The following RSU1 variants were observed in gnomAD, a reference collection of about 807,000 sequenced individuals.
RSU1 encodes the protein Ras suppressor protein 1.
Under a neutral mutation model 31.1 loss-of-function variants are expected in RSU1, and 26 were observed. The observed-to-expected ratio is 0.84, with a 90% confidence interval of 0.61 to 1.16. RSU1 has a LOEUF of 1.16. Ranked by LOEUF, RSU1 falls within the 50% of genes most tolerant of loss-of-function variation. RSU1 has a pLI of 0.00. For missense variants in RSU1, 320 were observed against 339.1 expected (o/e 0.94, Z 0.44); for synonymous variants, 164 against 136.3 (o/e 1.20, Z -1.41).
intron 8 of RSU1, among the ~76,000 whole-genome samples, chr10:16,660,047 G>C (rs1164324467): frequency 6.6e-6 from 1 of 152,158 alleles, no homozygotes; most frequent in African/African-American, 2.4e-5. Flanking sequence ...AACTATTCAA[G>C]GATATTTGGA....
chr10:16,663,568 A>C (rs1834927186), intron 8 of RSU1, among the ~76,000 whole-genome samples: 1 of 152,216 alleles, frequency 6.6e-6, no homozygotes. Context: ...TATACAGTGC[A>C]GGAGCCTCTG....
chr10:16,801,007 TA>T (rs1161670706), intron 2 of RSU1, among the ~76,000 whole-genome samples: 1 of 151,428 alleles, frequency 6.6e-6, no homozygotes, highest in Non-Finnish European at 1.5e-5. Flanking sequence ...ACTTATTTTG[TA>T]GGTATTAATC....
intron 7 of RSU1, among the ~76,000 whole-genome samples, chr10:16,713,752 T>C (rs73604875): frequency 0.012 from 1,865 of 152,334 alleles, 37 homozygotes; most frequent in African/African-American, 0.043. Flanking sequence ...TCCTTGCTTT[T>C]TCACATTGCT....
At chr10:16,728,204 T>C (rs764204811) in intron 7 of RSU1, among the ~76,000 whole-genome samples, 8 of 152,196 alleles carry the variant, frequency 5.3e-5, no homozygotes, top group Non-Finnish European at 7.3e-5. Context: ...CATTTACTCC[T>C]GTTACAACAG....
intron 8 of RSU1, among the ~76,000 whole-genome samples, chr10:16,690,319 G>A (rs1835520181): frequency 6.6e-6 from 1 of 152,118 alleles, no homozygotes. Context: ...AAGCTTCAAC[G>A]ACCCAACCAA....
chr10:16,722,104 A>T (rs1836276143), intron 7 of RSU1, among the ~76,000 whole-genome samples: 1 of 152,210 alleles, frequency 6.6e-6, no homozygotes, highest in African/African-American at 2.4e-5. Context: ...GAGAGATACT[A>T]CATTCACATA....
At chr10:16,706,682 G>C (rs1169837497) in intron 7 of RSU1, among the ~76,000 whole-genome samples, 1 of 152,044 alleles carries the variant, frequency 6.6e-6, no homozygotes, top group East Asian at 1.9e-4. Context: ...TATCCAATCT[G>C]GGTGGCTAGT....
intron 2 of RSU1, among the ~76,000 whole-genome samples, chr10:16,789,189 A>C (rs1324588716): frequency 6.6e-6 from 1 of 152,208 alleles, no homozygotes; most frequent in Non-Finnish European, 1.5e-5. Flanking sequence ...GAGAAACTAA[A>C]AAAGTTTAAA....
At chr10:16,766,224 A>T (rs1444179059) in intron 3 of RSU1, among the ~76,000 whole-genome samples, 2 of 152,238 alleles carry the variant, frequency 1.3e-5, no homozygotes, top group Non-Finnish European at 2.9e-5. Flanking sequence ...GTGGCCGTTG[A>T]TAAAAGAACA....
chr10:16,774,794 C>T (rs534718721), intron 3 of RSU1, among the ~76,000 whole-genome samples: 3 of 152,130 alleles, frequency 2.0e-5, no homozygotes, highest in Non-Finnish European at 4.4e-5. Flanking sequence ...TTAAAAAGAT[C>T]AGTGACTTAA....
chr10:16,763,680 G>A (rs374455743), intron 4 of RSU1, among the ~76,000 whole-genome samples: 24 of 152,104 alleles, frequency 1.6e-4, no homozygotes, highest in Admixed American at 4.6e-4. Flanking sequence ...CAGCTTGGCC[G>A]CTAACCTCAG....
chr10:16,601,736 A>G (rs370182031), intron 8 of RSU1, among the ~76,000 whole-genome samples: 1 of 152,166 alleles, frequency 6.6e-6, no homozygotes, highest in Non-Finnish European at 1.5e-5. Flanking sequence ...TGGCTCGCCT[A>G]ATGTCCTCTC....
At chr10:16,664,848 C>G (rs1361215745) in intron 8 of RSU1, among the ~76,000 whole-genome samples, 1 of 152,212 alleles carries the variant, frequency 6.6e-6, no homozygotes, top group East Asian at 1.9e-4. Flanking sequence ...CTAGCCTATG[C>G]TTGCTGAGGC....
intron 7 of RSU1, among the ~76,000 whole-genome samples, chr10:16,746,058 T>C (rs1836846844): frequency 1.3e-5 from 2 of 152,174 alleles, no homozygotes. Flanking sequence ...AACAAGAGAT[T>C]TTTGACTGTA....
intron 8 of RSU1, among the ~76,000 whole-genome samples, chr10:16,692,686 C>G (rs78897827): frequency 1.3e-5 from 2 of 152,162 alleles, no homozygotes; most frequent in Non-Finnish European, 2.9e-5. Context: ...TATTTTCACA[C>G]ATTTTCATAA....
intron 8 of RSU1, among the ~76,000 whole-genome samples, chr10:16,620,548 C>T (rs565243688): frequency 3.4e-4 from 43 of 126,096 alleles, no homozygotes; most frequent in South Asian, 1.2e-3. Flanking sequence ...GGCATATGTA[C>T]AAAATGTTAA....
chr10:16,631,516 T>A (rs895726904), intron 8 of RSU1, among the ~76,000 whole-genome samples: 9 of 152,200 alleles, frequency 5.9e-5, no homozygotes, highest in African/African-American at 2.2e-4. Flanking sequence ...AGGATCCCTG[T>A]ACTGTGCCCT....
At chr10:16,705,742 G>A (rs934544441) in intron 7 of RSU1, among the ~76,000 whole-genome samples, 1 of 152,018 alleles carries the variant, frequency 6.6e-6, no homozygotes, top group African/African-American at 2.4e-5. Context: ...AGCCCACCTC[G>A]GCCTCCCAAA....
At chr10:16,727,608 A>G (rs937038279) in intron 7 of RSU1, among the ~76,000 whole-genome samples, 2 of 152,220 alleles carry the variant, frequency 1.3e-5, no homozygotes, top group Non-Finnish European at 2.9e-5. Flanking sequence ...ACTCTTAGGG[A>G]GAACATTTCG....
Sources: allele counts gnomAD v4.1 joint callset (sites outside exome capture counted in the v4.1 genomes callset), GRCh38; gene constraint gnomAD v4.1.1; transcripts MANE v1.5; gene names NCBI Gene and HGNC (gene_info 2026-07-23, HGNC 2026-07-21).